GRM8: variants seen among roughly 807,000 people sequenced by gnomAD.
The protein encoded by GRM8 is glutamate metabotropic receptor 8.
A neutral mutation model predicts 87.2 loss-of-function variants in GRM8; 47 were observed. The observed-to-expected ratio is 0.54, with a 90% CI of 0.43 to 0.69. The LOEUF (loss-of-function observed/expected upper bound fraction) is 0.69, where lower values mean the gene tolerates loss of function less well. Among genes scored for constraint, GRM8 ranks in the 30% least tolerant of loss-of-function variants. The pLI is 0.00. For missense variants in GRM8, 1,019 were observed against 1,139.2 expected (o/e 0.89, Z 1.52); for synonymous variants, 396 against 404.5 (o/e 0.98, Z 0.25).
At chr7:126,657,341 T>C (rs565611379) in intron 7 of GRM8, among the ~76,000 whole-genome samples, 2 of 152,304 alleles carry the variant, frequency 1.3e-5, no homozygotes, top group South Asian at 2.1e-4. Flanking sequence ...TTAATTGTGG[T>C]GAAAACCGCA....
At chr7:126,659,357 T>C (rs1290806151) in intron 7 of GRM8, among the ~76,000 whole-genome samples, 2 of 152,150 alleles carry the variant, frequency 1.3e-5, no homozygotes, top group Non-Finnish European at 2.9e-5. Context: ...AAACTAAAAA[T>C]AACTAGAAAA....
intron 6 of GRM8, among the ~76,000 whole-genome samples, chr7:126,827,399 G>T (rs182921421): frequency 0.021 from 3,142 of 152,244 alleles, 115 homozygotes; most frequent in African/African-American, 0.071. Flanking sequence ...CTGAGCAGTG[G>T]TTTGTAGTTC....
At chr7:127,054,163 A>G (rs1003085577) in intron 3 of GRM8, among the ~76,000 whole-genome samples, 1 of 152,184 alleles carries the variant, frequency 6.6e-6, no homozygotes, top group Non-Finnish European at 1.5e-5. Flanking sequence ...CAGGCATTCA[A>G]CATTGACCTA....
intron 9 of GRM8, among the ~76,000 whole-genome samples, chr7:126,488,138 CT>C (rs1807586024): frequency 1.3e-5 from 2 of 151,750 alleles, no homozygotes; most frequent in African/African-American, 4.8e-5. Flanking sequence ...CATAATTTTC[CT>C]TGCTTTATCA....
chr7:127,097,585 C>A (rs1029651531), intron 3 of GRM8, among the ~76,000 whole-genome samples: 1 of 152,118 alleles, frequency 6.6e-6, no homozygotes. Context: ...CTTTGTTATG[C>A]CTTTTGGGGG....
At chr7:127,038,663 C>T (rs1818076206) in intron 3 of GRM8, among the ~76,000 whole-genome samples, 1 of 152,034 alleles carries the variant, frequency 6.6e-6, no homozygotes, top group Non-Finnish European at 1.5e-5. Flanking sequence ...AGACAGAAAG[C>T]TACCTATAAA....
intron 9 of GRM8, among the ~76,000 whole-genome samples, chr7:126,481,562 C>G (rs943800701): frequency 6.6e-6 from 1 of 151,884 alleles, no homozygotes; most frequent in Admixed American, 6.6e-5. Flanking sequence ...ACAGTATATA[C>G]ATTCAATCTA....
At chr7:126,553,666 A>C (rs1792833596) in intron 8 of GRM8, among the ~76,000 whole-genome samples, 1 of 152,196 alleles carries the variant, frequency 6.6e-6, no homozygotes, top group Non-Finnish European at 1.5e-5. Flanking sequence ...ACATGGTAGT[A>C]ATCTGAACTT....
intron 2 of GRM8, among the ~76,000 whole-genome samples, chr7:127,230,507 A>G (rs1797617721): frequency 6.6e-6 from 1 of 152,012 alleles, no homozygotes; most frequent in Admixed American, 6.6e-5. Context: ...GCCCAGCCCA[A>G]TCCCATATTA....
At chr7:127,023,447 T>G (rs938564269) in intron 3 of GRM8, among the ~76,000 whole-genome samples, 1 of 152,048 alleles carries the variant, frequency 6.6e-6, no homozygotes, top group East Asian at 1.9e-4. Flanking sequence ...CCACACAGTA[T>G]GCAAAAGGGA....
rs368194397 is a variant in GRM8, at chr7:127,243,151, G to C, written c.54C>G (p.Thr18=). The change falls in exon 2 of 11, where the codon ACC becomes ACG. Residue 18 remains threonine, a synonymous_variant. Transcript: ENST00000339582. ...TTGTGAGGATCCAGTAGAACTTGGC[G>C]GTCAAGAGGAAGAAACAAGGGCAAG... The part of the protein sequence containing the change: ...SASCPCFFLL[T]AKFYWILTMM... The C allele has an allele frequency of 6.2e-7, 1 of 1,613,360 alleles. No homozygotes were observed. The highest frequency in any genetic ancestry group is 8.5e-7 in the Non-Finnish European group (1 of 1,179,930).
chr7:126,496,505 T>A (rs2150669671), intron 9 of GRM8, among the ~76,000 whole-genome samples: 1 of 152,136 alleles, frequency 6.6e-6, no homozygotes, highest in South Asian at 2.1e-4. Context: ...TTTCAATAGT[T>A]CCACTACTGT....
At chr7:126,872,342 G>C (rs1340718818) in intron 6 of GRM8, among the ~76,000 whole-genome samples, 1 of 152,062 alleles carries the variant, frequency 6.6e-6, no homozygotes, top group Non-Finnish European at 1.5e-5. Flanking sequence ...TAGAACCATA[G>C]GGAAAAAGCC....
chr7:127,148,737 A>C (rs886130135), intron 2 of GRM8, among the ~76,000 whole-genome samples: 4 of 152,124 alleles, frequency 2.6e-5, no homozygotes, highest in African/African-American at 9.6e-5. Context: ...CAATGGGTCA[A>C]AGAAGAAAGC....
chr7:127,174,967 T>C (rs1345788469), intron 2 of GRM8, among the ~76,000 whole-genome samples: 2 of 152,164 alleles, frequency 1.3e-5, no homozygotes, highest in African/African-American at 4.8e-5. Flanking sequence ...TTGAGTGTAA[T>C]AGATCAGCCT....
At chr7:126,565,916 C>G (rs1224363098) in intron 8 of GRM8, among the ~76,000 whole-genome samples, 1 of 151,930 alleles carries the variant, frequency 6.6e-6, no homozygotes, top group Admixed American at 6.6e-5. Context: ...AGTGAGGATG[C>G]CAAGAATATA....
rs181480593 is a variant in GRM8 at position 126,837,037 on chromosome 7, T to G, written c.1156+65505A>C. ...TAGGAATATATTCACTTTTGCAAATTGGAAAGCACCACTCAGATTTAAGAC... is the reference window on the plus strand; with the variant it reads ...TAGGAATATATTCACTTTTGCAAATGGGAAAGCACCACTCAGATTTAAGAC... On this transcript the variant is annotated intron_variant, in intron 6 of 10. Coordinates refer to ENST00000339582, the MANE Select transcript of GRM8 (RefSeq NM_000845.3). Among the ~76,000 whole-genome samples, 72 of 149,378 alleles carry G rather than the reference T, an allele frequency of 4.8e-4. 1 individual carries two copies. Among genetic ancestry groups the G allele is most frequent in the African/African-American group, 1.7e-3 (68 of 40,266 alleles).
chr7:126,939,223 A>G (rs559406462), intron 3 of GRM8, among the ~76,000 whole-genome samples: 2 of 152,328 alleles, frequency 1.3e-5, no homozygotes, highest in South Asian at 4.1e-4. Flanking sequence ...TCACTCATTT[A>G]CCATGTGTAT....
chr7:127,058,626 T>C (rs1820253513), intron 3 of GRM8, among the ~76,000 whole-genome samples: 1 of 152,198 alleles, frequency 6.6e-6, no homozygotes. Context: ...TCCTCTTCTA[T>C]AACATTCTGA....
Sources: allele counts gnomAD v4.1 joint callset (sites outside exome capture counted in the v4.1 genomes callset), GRCh38; gene constraint gnomAD v4.1.1; transcripts MANE v1.5; gene names NCBI Gene and HGNC (gene_info 2026-07-23, HGNC 2026-07-21).